Variants in CAMTA1 observed in about 807,000 individuals in gnomAD.
CAMTA1 encodes the protein calmodulin binding transcription activator 1.
A neutral mutation model predicts 170.9 loss-of-function variants in CAMTA1; 27 were observed. The ratio of observed to expected loss-of-function variants is 0.16; its 90% CI spans 0.12 to 0.22. The LOEUF is 0.22. Ranked by LOEUF, CAMTA1 falls within the 10% of genes least tolerant of loss-of-function variation. The probability of loss-of-function intolerance (pLI) is 1.00; values close to 1 mark genes in which losing one functional copy is unlikely to be tolerated. For synonymous variants in CAMTA1, 833 were observed against 891.5 expected (o/e 0.93, Z 1.17); for missense variants, 1,619 against 2,217.2 (o/e 0.73, Z 5.42).
intron 4 of CAMTA1, among the ~76,000 whole-genome samples, chr1:7,174,523 A>G (rs1423106089): frequency 6.6e-6 from 1 of 152,256 alleles, no homozygotes; most frequent in East Asian, 1.9e-4. Context: ...TGACTGGAAG[A>G]TTCCAGAAGG....
At chr1:7,741,552 A>ACT (rs1347439799) in intron 16 of CAMTA1, among the ~76,000 whole-genome samples, 1 of 149,596 alleles carries the variant, frequency 6.7e-6, no homozygotes, top group African/African-American at 2.5e-5. Context: ...ACAGAGCGAG[A>ACT]CTCTCTCTCA....
chr1:6,830,190 C>T (rs1009863757), intron 3 of CAMTA1, among the ~76,000 whole-genome samples: 1 of 151,768 alleles, frequency 6.6e-6, no homozygotes, highest in African/African-American at 2.4e-5. Context: ...GCGCCCACCA[C>T]CATGCCGGGC....
chr1:7,500,103 AAG>A (rs2093964759), intron 6 of CAMTA1, among the ~76,000 whole-genome samples: 1 of 113,006 alleles, frequency 8.8e-6, no homozygotes, highest in East Asian at 2.8e-4. Context: ...GAGTGTGTAG[AAG>A]ATTGTGTGAG....
At chr1:6,994,057 T>C (rs980969602) in intron 3 of CAMTA1, among the ~76,000 whole-genome samples, 5 of 152,210 alleles carry the variant, frequency 3.3e-5, no homozygotes, top group Non-Finnish European at 5.9e-5. Flanking sequence ...ATGTAGTTAA[T>C]ATTTGTATCA....
At chr1:7,452,227 C>A (rs983396149) in intron 5 of CAMTA1, among the ~76,000 whole-genome samples, 1 of 152,154 alleles carries the variant, frequency 6.6e-6, no homozygotes, top group African/African-American at 2.4e-5. Flanking sequence ...TCTCCTGCAT[C>A]CCCCCTGGTT....
intron 4 of CAMTA1, among the ~76,000 whole-genome samples, chr1:7,214,192 C>T (rs1339897537): frequency 6.6e-6 from 1 of 152,158 alleles, no homozygotes; most frequent in Non-Finnish European, 1.5e-5. Flanking sequence ...ACACTGACTT[C>T]TACAATGGTT....
intron 4 of CAMTA1, among the ~76,000 whole-genome samples, chr1:7,096,607 C>T (rs1422244345): frequency 2.0e-5 from 3 of 152,178 alleles, no homozygotes; most frequent in East Asian, 1.9e-4. Context: ...CTCCAGGTGG[C>T]TCCTTTTTCT....
chr1:7,695,381 G>A (rs974628112), intron 11 of CAMTA1, among the ~76,000 whole-genome samples: 2 of 152,160 alleles, frequency 1.3e-5, no homozygotes, highest in African/African-American at 2.4e-5. Flanking sequence ...ATTCCTCCCC[G>A]GCGTTCTCAT....
chr1:7,290,715 C>T (rs1172812684), intron 5 of CAMTA1, among the ~76,000 whole-genome samples: 1 of 152,118 alleles, frequency 6.6e-6, no homozygotes, highest in Non-Finnish European at 1.5e-5. Context: ...TTATTACCAT[C>T]ATCATTTTCA....
chr1:6,794,880 C>CTTTTTTTTTTTT (rs1305335139), intron 1 of CAMTA1, among the ~76,000 whole-genome samples: 10 of 141,900 alleles, frequency 7.0e-5, no homozygotes, highest in African/African-American at 1.1e-4. Flanking sequence ...TAGATAAAGG[C>CTTTTTTTTTTTT]TTTTTTTTTG....
chr1:7,301,432 G>A (rs1019620147), intron 5 of CAMTA1, among the ~76,000 whole-genome samples: 8 of 152,180 alleles, frequency 5.3e-5, no homozygotes, highest in East Asian at 3.9e-4. Flanking sequence ...GTGGTGGAGC[G>A]TACAAAGGAG....
intron 3 of CAMTA1, among the ~76,000 whole-genome samples, chr1:6,852,700 A>G (rs1280989228): frequency 3.3e-5 from 5 of 152,206 alleles, no homozygotes; most frequent in South Asian, 2.1e-4. Flanking sequence ...CAGCTCCCCT[A>G]TGTGTTCACC....
chr1:7,708,278 C>G (rs1416732519), intron 11 of CAMTA1, among the ~76,000 whole-genome samples: 1 of 152,172 alleles, frequency 6.6e-6, no homozygotes, highest in Admixed American at 6.6e-5. Context: ...TTGCAGTGAG[C>G]TGTGATTGTG....
intron 6 of CAMTA1, among the ~76,000 whole-genome samples, chr1:7,525,876 G>A (rs1387967616): frequency 4.6e-5 from 7 of 152,174 alleles, no homozygotes; most frequent in African/African-American, 1.7e-4. Flanking sequence ...AGGGAGGCAG[G>A]CAAGACAGTG....
chr1:6,909,466 G>C (rs1679253574), intron 3 of CAMTA1, among the ~76,000 whole-genome samples: 1 of 152,250 alleles, frequency 6.6e-6, no homozygotes, highest in Non-Finnish European at 1.5e-5. Context: ...ATCTCCAGCA[G>C]GGTAACAGTT....
intron 3 of CAMTA1, among the ~76,000 whole-genome samples, chr1:6,865,731 G>A (rs980339337): frequency 6.6e-6 from 1 of 152,178 alleles, no homozygotes; most frequent in Non-Finnish European, 1.5e-5. Context: ...CTGTGAGGTA[G>A]GGATGTTACT....
At position 7,480,416 on chromosome 1, in the gene CAMTA1, T is replaced by TGA. The variant is rs368317989; in HGVS notation, c.510+12526_510+12527dup. Among the ~76,000 whole-genome samples, 1,302 of 148,744 alleles carry TGA rather than the reference T, an allele frequency of 8.8e-3. 14 individuals carry two copies. The highest frequency in any genetic ancestry group is 0.031 in the East Asian group (156 of 4,976). On this transcript the variant is annotated intron_variant, in intron 6 of 22. Coordinates refer to ENST00000303635, the MANE Select transcript of CAMTA1 (RefSeq NM_015215.4). Reference sequence around the variant, plus strand: ...ATGAGAGTGTGTGTGTGTGTGTGTGTGAGAGAGAGAGACAGAGAGAGATAT... The same window carrying TGA: ...ATGAGAGTGTGTGTGTGTGTGTGTGTGAGAGAGAGAGAGACAGAGAGAGATAT...
chr1:7,653,890 G>T (rs2095862805), intron 7 of CAMTA1, among the ~76,000 whole-genome samples: 1 of 152,196 alleles, frequency 6.6e-6, no homozygotes, highest in South Asian at 2.1e-4. Flanking sequence ...GGCATGAGCA[G>T]CCAGGAAGGC....
chr1:7,000,238 G>A (rs768816599), intron 3 of CAMTA1, among the ~76,000 whole-genome samples: 1 of 152,176 alleles, frequency 6.6e-6, no homozygotes, highest in Admixed American at 6.5e-5. Flanking sequence ...TTCACTTCCC[G>A]GTCCTGCAGC....
Sources: allele counts gnomAD v4.1 joint callset (sites outside exome capture counted in the v4.1 genomes callset), GRCh38; gene constraint gnomAD v4.1.1; transcripts MANE v1.5; gene names NCBI Gene and HGNC (gene_info 2026-07-23, HGNC 2026-07-21).